TMEM72: variants seen among roughly 807,000 people sequenced by gnomAD.
TMEM72 encodes the protein kidney-specific secretory protein of 37 kDa.
A neutral mutation model predicts 16.3 loss-of-function variants in TMEM72; 9 were observed. The ratio of observed to expected loss-of-function variants is 0.55; its 90% CI spans 0.33 to 0.96. TMEM72 has a LOEUF of 0.96. Ranked by LOEUF, TMEM72 falls within the 40% of genes least tolerant of loss-of-function variation. The probability of loss-of-function intolerance (pLI) is 0.03; values close to 1 mark genes in which losing one functional copy is unlikely to be tolerated. For missense variants in TMEM72, 324 were observed against 337.8 expected (o/e 0.96, Z 0.32); for synonymous variants, 160 against 146.5 (o/e 1.09, Z -0.66).
chr10:44,925,934 TAC>T (rs200330991), intron 1 of TMEM72, among the ~76,000 whole-genome samples: 32 of 151,442 alleles, frequency 2.1e-4, no homozygotes, highest in African/African-American at 5.3e-4. Flanking sequence ...TTCACACACA[TAC>T]ACACACACTT....
intron 1 of TMEM72, among the ~76,000 whole-genome samples, chr10:44,912,075 G>A (rs1386157306): frequency 6.6e-5 from 10 of 152,242 alleles, no homozygotes; most frequent in African/African-American, 9.6e-5. Flanking sequence ...CTGGCTGGAC[G>A]TGGAGATCAC....
At chr10:44,916,384 C>G (rs1564432671) in intron 1 of TMEM72, among the ~76,000 whole-genome samples, 1 of 152,170 alleles carries the variant, frequency 6.6e-6, no homozygotes, top group Non-Finnish European at 1.5e-5. Context: ...GCTTCCCACA[C>G]AGTTAGAGCA....
intron 1 of TMEM72, among the ~76,000 whole-genome samples, chr10:44,921,625 A>G (rs1589041652): frequency 2.6e-5 from 4 of 152,318 alleles, no homozygotes; most frequent in Admixed American, 2.6e-4. Flanking sequence ...CCCTGGGGGT[A>G]TCTGTTCCAG....
At chr10:44,919,084 A>T (rs1840054500) in intron 1 of TMEM72, among the ~76,000 whole-genome samples, 1 of 152,374 alleles carries the variant, frequency 6.6e-6, no homozygotes, top group Admixed American at 6.5e-5. Context: ...ATAGACACAA[A>T]GTTTTAAACG....
At chr10:44,919,895 T>A (rs766469669) in intron 1 of TMEM72, 1 of 152,262 alleles carries the variant, frequency 6.6e-6, no homozygotes, top group Non-Finnish European at 1.5e-5. Flanking sequence ...TGCCACAACT[T>A]CTGAGCTAAG....
intron 1 of TMEM72, among the ~76,000 whole-genome samples, chr10:44,917,222 G>C (rs1386138932): frequency 6.6e-6 from 1 of 152,152 alleles, no homozygotes; most frequent in Non-Finnish European, 1.5e-5. Context: ...CTGGAGTTGT[G>C]AGGGCTCAAT....
At chr10:44,929,786 G>A (rs1407745047) in intron 2 of TMEM72, among the ~76,000 whole-genome samples, 14 of 152,250 alleles carry the variant, frequency 9.2e-5, no homozygotes, top group Non-Finnish European at 1.5e-5. Flanking sequence ...TCGCCTCCAA[G>A]CTTCACTCAT....
intron 3 of TMEM72, 39 bp from the exon 4 acceptor site, chr10:44,933,598 C>CT (rs769295704): frequency 6.3e-7 from 1 of 1,589,872 alleles, no homozygotes; most frequent in South Asian, 1.1e-5. Context: ...TGGGGTTTTC[C>CT]TGGGACACAT....
chr10:44,913,568 C>G (rs1346634428), intron 1 of TMEM72, among the ~76,000 whole-genome samples: 1 of 152,094 alleles, frequency 6.6e-6, no homozygotes, highest in Admixed American at 6.6e-5. Context: ...GGGCCTCCCT[C>G]TTGGTTTTGA....
chr10:44,935,117 G>T lies in TMEM72; in HGVS notation c.811G>T (p.Ala271Ser). ...CCCACTCTTCCTGTCATCTCTTACA[G>T]CCACCGGCCTGTTCTGAGCGCTTGC... ...QAPLFLSSLT[A>S]TGLF The change falls in exon 5 of 5, where the codon GCC (alanine) becomes TCC (serine). Residue 271 changes from alanine to serine, a missense_variant. Transcript: ENST00000389583. 1 of 1,600,006 alleles carries T rather than the reference G, an allele frequency of 6.2e-7. No individual in the cohort carries two copies. Among genetic ancestry groups the T allele is most frequent in the Non-Finnish European group, 8.5e-7 (1 of 1,172,968 alleles).
At chr10:44,922,102 T>C (rs142483877) in intron 1 of TMEM72, among the ~76,000 whole-genome samples, 2 of 152,302 alleles carry the variant, frequency 1.3e-5, no homozygotes, top group East Asian at 1.9e-4. Context: ...CTCCTAGTTA[T>C]CCGGGTGCCA....
At position 44,931,792 on chromosome 10, in the gene TMEM72, A is replaced by G; in HGVS notation, c.138-206A>G. The G allele has an allele frequency of 5.2e-6, 3 of 578,060 alleles. No homozygotes were observed. In the East Asian group the frequency reaches 8.7e-5, roughly 17 times the overall value. 35.8% of individuals were successfully genotyped at this position (578,060 alleles called of 1,614,324 possible). On this transcript the variant is annotated intron_variant, in intron 2 of 4. Transcript: ENST00000389583. The stretch of plus-strand genomic sequence containing the variant: ...CGGTGCCCTCCCCACCCATCTCTGA[A>G]CCCCAGACCCCACCTCTCCCCAGCA...
At chr10:44,931,942 C>G (rs1840303456) in intron 2 of TMEM72, 56 bp from the exon 3 acceptor site, 1 of 1,557,386 alleles carries the variant, frequency 6.4e-7, no homozygotes, top group African/African-American at 1.4e-5. Flanking sequence ...AGACAGCCCT[C>G]AGGAAAGCAA....
At chr10:44,916,793 C>G (rs1439160138) in intron 1 of TMEM72, among the ~76,000 whole-genome samples, 1 of 152,070 alleles carries the variant, frequency 6.6e-6, no homozygotes, top group Non-Finnish European at 1.5e-5. Context: ...GGATTTGGTT[C>G]AAACATTTCT....
chr10:44,927,786 A>C, intron 1 of TMEM72, 135 bp from the exon 2 acceptor site: 1 of 847,994 alleles, frequency 1.2e-6, no homozygotes, highest in Non-Finnish European at 1.9e-6. Flanking sequence ...AGCTGCCTGT[A>C]TCATGAAGAG....
At chr10:44,921,430 C>T (rs191314132) in intron 1 of TMEM72, among the ~76,000 whole-genome samples, 18 of 152,306 alleles carry the variant, frequency 1.2e-4, no homozygotes, top group Admixed American at 9.8e-4. Flanking sequence ...GGAAAGACAG[C>T]ACAGCCGGAC....
intron 1 of TMEM72, among the ~76,000 whole-genome samples, chr10:44,916,212 T>C (rs1840012542): frequency 6.6e-6 from 1 of 152,282 alleles, no homozygotes; most frequent in East Asian, 1.9e-4. Context: ...GGCAAAGCCA[T>C]TCTGAGTGAA....
In TMEM72 at chr10:44,936,708, A is replaced by G. The variant is rs17515265; in HGVS notation, c.*1574A>G. ...GGATATGGGTATAGGTAGGTGGTAG[A>G]CAAGGATCGTGCCCCATGGCTGATG... On this transcript the variant is annotated 3_prime_UTR_variant, in exon 5 of 5. Transcript: ENST00000389583. The G allele has an allele frequency of 0.088, 13,409 of 152,346 alleles. 686 individuals are homozygous for G. Among genetic ancestry groups the G allele is most frequent in the Middle Eastern group, 0.15 (43 of 294 alleles). The allele number at this position is 152,346 out of a possible 1,614,324, so 9.4% of individuals were successfully genotyped here.
chr10:44,932,294 G>T (rs7068765), intron 3 of TMEM72, among the ~76,000 whole-genome samples: 118,633 of 152,190 alleles, frequency 0.78, 46,991 homozygotes, highest in Middle Eastern at 0.88. Context: ...AACTGACACA[G>T]TCATTCAGGG....
Sources: allele counts gnomAD v4.1 joint callset (sites outside exome capture counted in the v4.1 genomes callset), GRCh38; gene constraint gnomAD v4.1.1; transcripts MANE v1.5; gene names NCBI Gene and HGNC (gene_info 2026-07-23, HGNC 2026-07-21).